Variants in CDH23 observed in about 807,000 individuals in gnomAD.
CDH23 encodes cadherin related 23.
Under a neutral mutation model 317.1 loss-of-function variants are expected in CDH23, and 189 were observed. The observed-to-expected ratio is 0.60, with a 90% CI of 0.53 to 0.67. CDH23 has a LOEUF of 0.67. CDH23 is among the 30% of genes least tolerant of loss of function. The probability of loss-of-function intolerance (pLI) is 0.00; values close to 1 mark genes in which losing one functional copy is unlikely to be tolerated. For missense variants in CDH23, 4,401 were observed against 4,592.4 expected (o/e 0.96, Z 1.20); for synonymous variants, 1,839 against 1,876.8 (o/e 0.98, Z 0.52).
chr10:71,445,074 C>G (rs1036444792), intron 2 of CDH23, among the ~76,000 whole-genome samples: 1 of 152,202 alleles, frequency 6.6e-6, no homozygotes, highest in Non-Finnish European at 1.5e-5. Context: ...ACCCTGACCC[C>G]CTCCAGACCC....
intron 38 of CDH23, among the ~76,000 whole-genome samples, chr10:71,746,772 A>G (rs1023245366): frequency 1.1e-4 from 16 of 152,300 alleles, no homozygotes; most frequent in African/African-American, 3.6e-4. Flanking sequence ...ATTCCAGATA[A>G]GAAGCCCTGG....
At chr10:71,814,423 TA>T (rs1245474681) in intron 69 of CDH23, among the ~76,000 whole-genome samples, 6 of 152,166 alleles carry the variant, frequency 3.9e-5, no homozygotes, top group Non-Finnish European at 8.8e-5. Context: ...TCTAAATAAA[TA>T]AAGGGCAGGT....
chr10:71,694,723 C>T (rs985399628), intron 21 of CDH23, among the ~76,000 whole-genome samples: 1 of 152,092 alleles, frequency 6.6e-6, no homozygotes, highest in African/African-American at 2.4e-5. Flanking sequence ...GTGGGGGCCT[C>T]GAATGAGCTC....
In CDH23 at chr10:71,798,418, C is replaced by T; in HGVS notation, c.6894C>T (p.Ile2298=). Residue 2298 remains isoleucine (I), a synonymous_variant, in exon 50 of 70, where the codon ATC becomes ATT. Coordinates refer to ENST00000224721, the MANE Select transcript of CDH23 (RefSeq NM_022124.6). The part of the protein sequence containing the change: ...DNTPQFKPFG[I]TYYMERILEG... Reference sequence around the variant, plus strand: ...CGCCCCAGTTCAAGCCCTTTGGGATCACCTACTACATGGAGCGGATCCTGG... The same window carrying T: ...CGCCCCAGTTCAAGCCCTTTGGGATTACCTACTACATGGAGCGGATCCTGG... 6.2e-7 allele frequency: 1 copy of T among 1,613,986 alleles called. No homozygotes were observed. The highest frequency in any genetic ancestry group is 1.1e-5 in the South Asian group (1 of 91,088).
rs1275565847 is a variant in CDH23, at chr10:71,606,415, C to T, written c.833-9089C>T. Among the ~76,000 whole-genome samples, 5 of 152,294 alleles carry T rather than the reference C, an allele frequency of 3.3e-5. No homozygotes were observed. The East Asian group carries it at 5.8e-4, about 18-fold the overall frequency. On this transcript the variant is annotated intron_variant, in intron 9 of 69. Coordinates refer to ENST00000224721, the MANE Select transcript of CDH23 (RefSeq NM_022124.6). ...AATTACTAATTGGCTGATCCCTCCT[C>T]GTGGGCCCTAGTGCAGCTGTGGTGT... is the stretch of plus-strand genomic sequence containing the variant.
In CDH23 at chr10:71,741,728, G is replaced by A. The variant is rs1198630283; in HGVS notation, c.4652G>A (p.Arg1551Lys). The A allele has an allele frequency of 3.1e-6, 5 of 1,611,620 alleles. No individual in the cohort carries two copies. The African/African-American group carries it at 5.3e-5, about 17-fold the overall frequency. The change falls in exon 38 of 70, where the codon AGA becomes AAA. Residue 1551 changes from arginine to lysine, a missense_variant. This residue lies in a region of CDH23 where 3,068 missense variants were observed against 3,203.3 expected (regional missense o/e 0.96). Coordinates refer to ENST00000224721, the MANE Select transcript of CDH23 (RefSeq NM_022124.6). ...VGGGTAVVQVRATDRDIGINS... is the reference protein window; with the variant it reads ...VGGGTAVVQVKATDRDIGINS... ...GGAGGTACTGCTGTGGTCCAGGTGA[G>A]AGCCACTGACCGTGACATCGGGATC...
intron 6 of CDH23, among the ~76,000 whole-genome samples, chr10:71,521,048 C>T (rs1854647660): frequency 6.6e-6 from 1 of 152,090 alleles, no homozygotes; most frequent in African/African-American, 2.4e-5. Context: ...GGGCTGGGCT[C>T]TCCCTCTTTA....
At chr10:71,630,448 G>A (rs556344578) in intron 11 of CDH23, among the ~76,000 whole-genome samples, 1 of 152,154 alleles carries the variant, frequency 6.6e-6, no homozygotes, top group South Asian at 2.1e-4. Flanking sequence ...GGTGAGGAGC[G>A]GTCAGCCGCT....
At chr10:71,403,424 C>CT (rs1344967365) in intron 1 of CDH23, among the ~76,000 whole-genome samples, 12 of 64,276 alleles carry the variant, frequency 1.9e-4, no homozygotes, top group African/African-American at 1.3e-3. Flanking sequence ...TTCCTTCCTT[C>CT]CTTCCTTCCT....
intron 3 of CDH23, among the ~76,000 whole-genome samples, chr10:71,478,244 G>A (rs1040820016): frequency 6.6e-6 from 1 of 152,302 alleles, no homozygotes; most frequent in Non-Finnish European, 1.5e-5. Context: ...ATACTCTGCC[G>A]AGTGCTCTCA....
intron 6 of CDH23, among the ~76,000 whole-genome samples, chr10:71,563,895 C>T (rs571516763): frequency 3.3e-5 from 5 of 152,136 alleles, no homozygotes; most frequent in South Asian, 2.1e-4. Flanking sequence ...ATTACAGGCA[C>T]GCACCACCAC....
chr10:71,790,140 GCCCGCCCCCAGGGCCTC>G, intron 45 of CDH23, 131 bp from the exon 46 acceptor site: 1 of 1,091,552 alleles, frequency 9.2e-7, no homozygotes, highest in Non-Finnish European at 1.3e-6. Flanking sequence ...GCTGCCGCAG[GCCCGCCCCCAGGGCCTC>G]CCCACCCTGT....
chr10:71,403,215 G>C lies in CDH23; in HGVS notation c.-6+5897G>C, dbSNP rs533880031. ...ACTTCTGGCATTGCTGATTAGAACT[G>C]GCAACATTGTGTCCATGTTCCCAAT... On this transcript the variant is annotated intron_variant, in intron 1 of 69. Coordinates refer to ENST00000224721, the MANE Select transcript of CDH23 (RefSeq NM_022124.6). 2.8e-4 allele frequency among the ~76,000 whole-genome samples: 42 copies of C among 151,834 alleles called. 1 individual carries two copies. In the South Asian group the frequency reaches 8.6e-3, roughly 31 times the overall value.
Position 71,815,159 on chromosome 10 carries a change from A to C in CDH23, c.9946A>C (p.Thr3316Pro), listed in dbSNP as rs771756597. Residue 3316 changes from threonine to proline, a missense_variant, in exon 70 of 70, where the codon ACC becomes CCC. This residue lies in a region of CDH23 where 1,144 missense variants were observed against 1,138.2 expected (regional missense o/e 1.01). Coordinates refer to ENST00000224721, the MANE Select transcript of CDH23 (RefSeq NM_022124.6). ...CCTGGGCCGCTCGCTGGAGACGCTG[A>C]CCGCTGCCGAGGCCACTGCCTTCGA... ...KGLGRSLETL[T>P]AAEATAFERN... The C allele has an allele frequency of 6.2e-7, 1 of 1,611,432 alleles. No individual in the cohort carries two copies. Among genetic ancestry groups the C allele is most frequent in the Non-Finnish European group, 8.5e-7 (1 of 1,179,010 alleles).
At chr10:71,423,317 AAGG>A (rs1325960618) in intron 1 of CDH23, among the ~76,000 whole-genome samples, 3 of 152,184 alleles carry the variant, frequency 2.0e-5, no homozygotes, top group Non-Finnish European at 4.4e-5. Context: ...AGCCCTGTTG[AAGG>A]AGGAGAAGGA....
chr10:71,523,119 G>T (rs1233780977), intron 6 of CDH23, among the ~76,000 whole-genome samples: 1 of 152,194 alleles, frequency 6.6e-6, no homozygotes, highest in African/African-American at 2.4e-5. Flanking sequence ...GGTGGAAGCA[G>T]GGAGGGTGTT....
intron 8 of CDH23, among the ~76,000 whole-genome samples, chr10:71,573,126 A>G (rs1857932839): frequency 6.6e-6 from 1 of 152,228 alleles, no homozygotes. Flanking sequence ...TAATGCACAT[A>G]AAACACACAG....
intron 3 of CDH23, among the ~76,000 whole-genome samples, chr10:71,452,559 G>A (rs1425955969): frequency 6.6e-6 from 1 of 152,130 alleles, no homozygotes; most frequent in Non-Finnish European, 1.5e-5. Flanking sequence ...CTGCAGCTCA[G>A]ATGTCCCTTG....
intron 11 of CDH23, among the ~76,000 whole-genome samples, chr10:71,637,535 G>A (rs1862334048): frequency 6.6e-6 from 1 of 152,118 alleles, no homozygotes; most frequent in Non-Finnish European, 1.5e-5. Context: ...ATATAAAATT[G>A]TGTATGCAAA....
Sources: allele counts gnomAD v4.1 joint callset (sites outside exome capture counted in the v4.1 genomes callset), GRCh38; gene constraint gnomAD v4.1.1; regional missense constraint gnomAD v4.1.1; transcripts MANE v1.5; gene names NCBI Gene and HGNC (gene_info 2026-07-23, HGNC 2026-07-21).